Variants in C3 observed in about 807,000 individuals in gnomAD.
C3 encodes the protein C3 and PZP-like alpha-2-macroglobulin domain-containing protein 1.
A neutral mutation model predicts 207.9 loss-of-function variants in C3; 97 were observed. That is an observed-to-expected ratio of 0.47 (90% confidence interval 0.40 to 0.55). C3 has a LOEUF of 0.55. C3 is among the 20% of genes least tolerant of loss of function. The probability of loss-of-function intolerance (pLI) is 0.00; values close to 1 mark genes in which losing one functional copy is unlikely to be tolerated. For synonymous variants in C3, 848 were observed against 857.6 expected (o/e 0.99, Z 0.20); for missense variants, 1,684 against 2,171.7 (o/e 0.78, Z 4.46).
chr19:6,705,200 T>G (rs1411519192), intron 17 of C3, among the ~76,000 whole-genome samples: 1 of 152,216 alleles, frequency 6.6e-6, no homozygotes, highest in South Asian at 2.1e-4. Context: ...CCACCATCCA[T>G]GTGGATGTAA....
chr19:6,718,483 T>C, intron 2 of C3, 71 bp from the exon 3 acceptor site: 1 of 1,580,372 alleles, frequency 6.3e-7, no homozygotes. Flanking sequence ...TTCCGGATCT[T>C]GGGCTGGGTC....
chr19:6,699,507 G>A (rs988955230), intron 19 of C3, among the ~76,000 whole-genome samples: 3 of 152,102 alleles, frequency 2.0e-5, no homozygotes, highest in African/African-American at 7.2e-5. Context: ...GGAGGCTGAG[G>A]AAGGCAGATT....
intron 28 of C3, 69 bp downstream of exon 28, chr19:6,686,677 C>A: frequency 6.6e-7 from 1 of 1,509,806 alleles, no homozygotes; most frequent in Non-Finnish European, 9.1e-7. Context: ...GCCATGCATC[C>A]CAGCTCAGTA....
chr19:6,720,641 G>A lies in C3; in HGVS notation c.-52C>T. On this transcript the variant is annotated 5_prime_UTR_variant, in exon 1 of 41. Transcript: ENST00000245907. ...GGACAGAGGGACAGAGGGAGAGGAT[G>A]GGGAGGAGTGAGCAGCGCCTGCTGG... The A allele has an allele frequency of 1.4e-6, 2 of 1,407,338 alleles. No homozygotes were observed. Among genetic ancestry groups the A allele is most frequent in the Non-Finnish European group, 2.0e-6 (2 of 1,017,280 alleles). The allele number at this position is 1,407,338 out of a possible 1,614,324, so 87.2% of individuals were successfully genotyped here. A position where few individuals can be genotyped will look rare whatever the true frequency, so the allele number is the denominator to read the frequency against.
chr19:6,704,860 T>C (rs1967740582), intron 17 of C3, among the ~76,000 whole-genome samples: 1 of 151,386 alleles, frequency 6.6e-6, no homozygotes, highest in Admixed American at 6.6e-5. Flanking sequence ...GTTGTGCCAC[T>C]GTACTTCAGC....
chr19:6,703,503 A>T (rs1035009763), intron 17 of C3, among the ~76,000 whole-genome samples: 15 of 152,328 alleles, frequency 9.8e-5, no homozygotes, highest in African/African-American at 3.6e-4. Context: ...GATACTCGGG[A>T]GGCTGAGGCA....
In C3 at chr19:6,718,081, C is replaced by G; in HGVS notation, c.504+13G>C. On this transcript the variant is annotated intron_variant, in intron 4 of 40. Transcript: ENST00000245907. ...GTGCCCCTGCTTCCCCTGGGGCCCC[C>G]TCTGGCTGGCACCTCAATGTTGACC... 2.5e-6 allele frequency: 4 copies of G among 1,613,934 alleles called. No individual in the cohort carries two copies. In the East Asian group the frequency reaches 8.9e-5, roughly 36 times the overall value.
intron 19 of C3, among the ~76,000 whole-genome samples, chr19:6,700,034 T>G (rs1967610489): frequency 6.8e-6 from 1 of 147,830 alleles, no homozygotes; most frequent in African/African-American, 2.5e-5. Flanking sequence ...TAGTAGTAAA[T>G]TATAATTATA....
chr19:6,714,627 T>C lies in C3; in HGVS notation c.505-181A>G, dbSNP rs180737676. 1.4e-4 allele frequency among the ~76,000 whole-genome samples: 22 copies of C among 152,278 alleles called. No homozygotes were observed. The East Asian group carries it at 2.3e-3, about 16-fold the overall frequency. The stretch of plus-strand genomic sequence containing the variant: ...CTGTCATCCCAGCACTCTGGGAGGC[T>C]GAGGCGGGCAGATCACCTGAGGTCA... On this transcript the variant is annotated intron_variant, in intron 4 of 40. Transcript: ENST00000245907.
intron 16 of C3, 89 bp from the exon 17 acceptor site, chr19:6,707,362 C>A: frequency 6.3e-7 from 1 of 1,598,504 alleles, no homozygotes; most frequent in Non-Finnish European, 8.6e-7. Flanking sequence ...GAGGACTTCC[C>A]CGCCGCCAGG....
rs1425510144 is a variant in C3 at position 6,709,816 on chromosome 19, T to C, written c.1713A>G (p.Glu571=). Residue 571 remains glutamate (E), a synonymous_variant, in exon 14 of 41, where the codon GAA becomes GAG. Transcript: ENST00000245907. ...GSLVVKSGQS[E]DRQPVPGQQM... is the part of the protein sequence containing the mutation. ...GCTGCCCAGGTACAGGCTGCCGGTCTTCTGACTGGCCGCTTTTTACCACCA... is the reference window on the plus strand; with the variant it reads ...GCTGCCCAGGTACAGGCTGCCGGTCCTCTGACTGGCCGCTTTTTACCACCA... 2 of 1,613,888 alleles carry C rather than the reference T, an allele frequency of 1.2e-6. No homozygotes were observed. Among genetic ancestry groups the C allele is most frequent in the South Asian group, 1.1e-5 (1 of 91,084 alleles).
In C3 at chr19:6,720,624, G is replaced by C. The variant is rs1377086379; in HGVS notation, c.-35C>G. 6.6e-7 allele frequency: 1 copy of C among 1,507,340 alleles called. No homozygotes were observed. The highest frequency in any genetic ancestry group is 2.4e-5 in the East Asian group (1 of 41,534). 93.4% of individuals were successfully genotyped at this position (1,507,340 alleles called of 1,614,324 possible). A position where few individuals can be genotyped will look rare whatever the true frequency, so the allele number is the denominator to read the frequency against. On this transcript the variant is annotated 5_prime_UTR_variant, in exon 1 of 41. Transcript: ENST00000245907. ...ACAGTGCAGGGTCAGAGGGACAGAGGGACAGAGGGAGAGGATGGGGAGGAG... is the reference window on the plus strand; with the variant it reads ...ACAGTGCAGGGTCAGAGGGACAGAGCGACAGAGGGAGAGGATGGGGAGGAG...
Position 6,684,967 on chromosome 19 carries a change from G to C in C3, c.3969+21C>G, listed in dbSNP as rs752147140. The C allele has an allele frequency of 6.2e-6, 10 of 1,613,144 alleles. No homozygotes were observed. The African/African-American group carries it at 1.3e-4, about 22-fold the overall frequency. On this transcript the variant is annotated intron_variant, in intron 30 of 40. Transcript: ENST00000245907. ...AGGGGGAGACAGCCAGAGTGAGGAG[G>C]GCTTGGCTGGGTGACTGTACCTCTT...
intron 26 of C3, among the ~76,000 whole-genome samples, chr19:6,692,202 A>G (rs1045319986): frequency 5.3e-5 from 8 of 152,158 alleles, no homozygotes; most frequent in Non-Finnish European, 1.0e-4. Context: ...TCCTGGGCTC[A>G]AGCCATCCTC....
chr19:6,714,491 G>T (rs376279783), intron 4 of C3, 45 bp from the exon 5 acceptor site: 2 of 1,395,516 alleles, frequency 1.4e-6, no homozygotes, highest in Non-Finnish European at 2.0e-6. Flanking sequence ...GTGGCTCTTC[G>T]GAGGCTGGGC....
At position 6,693,008 on chromosome 19, in the gene C3, C is replaced by T. The variant is rs765511687; in HGVS notation, c.3306G>A (p.Gly1102=). Residue 1102 remains glycine (G), a synonymous_variant, in exon 26 of 41, where the codon GGG becomes GGA. Transcript: ENST00000245907. The stretch of plus-strand genomic sequence containing the variant: ...TCTCCAGGATCAGCCATTTAACAGC[C>T]CCGCAGAGGACTTGGGAGTCGATGG... ...LIAIDSQVLC[G]AVKWLILEKQ... is the part of the protein sequence containing the mutation. 1.8e-5 allele frequency: 29 copies of T among 1,614,172 alleles called. No homozygotes were observed. The Middle Eastern group carries it at 9.9e-4, about 55-fold the overall frequency.
rs1369242832 is a variant in C3, at chr19:6,712,605, G to T, written c.1022C>A (p.Ala341Glu). 6.2e-7 allele frequency: 1 copy of T among 1,613,924 alleles called. No homozygotes were observed. The highest frequency in any genetic ancestry group is 1.3e-5 in the African/African-American group (1 of 74,906). The change falls in exon 10 of 41, where the codon GCA (alanine) becomes GAA (glutamate). Residue 341 changes from alanine (A) to glutamate (E), a missense_variant. Transcript: ENST00000245907. ...CACGATGGGGATCCCGCTGCGCTCT[G>T]CCTGCACCATGTCACTGCCTGAGGG... ...ILHSGSDMVQAERSGIPIVTS... is the reference protein window; with the variant it reads ...ILHSGSDMVQEERSGIPIVTS...
Position 6,692,971 on chromosome 19 carries a change from C to A in C3, c.3343G>T (p.Asp1115Tyr). Reference protein sequence around the residue: ...KWLILEKQKPDGVFQEDAPVI... With the variant: ...KWLILEKQKPYGVFQEDAPVI... ...GGCGCATCCTCCTGGAAGACCCCGT[C>A]GGGCTTCTGCTTCTCCAGGATCAGC... Residue 1115 changes from aspartate (D) to tyrosine (Y), a missense_variant, in exon 26 of 41, where the codon GAC becomes TAC. Around this residue, in one of 3 missense-constraint regions of C3, gnomAD observed 1,280 missense variants for 1,739.1 expected, o/e 0.74. Coordinates refer to ENST00000245907, the MANE Select transcript of C3 (RefSeq NM_000064.4). 6.2e-7 allele frequency: 1 copy of A among 1,614,210 alleles called. No individual in the cohort carries two copies. Among genetic ancestry groups the A allele is most frequent in the Non-Finnish European group, 8.5e-7 (1 of 1,180,044 alleles).
chr19:6,710,983 G>A lies in C3; in HGVS notation c.1479+4C>T, dbSNP rs909858183. 5 of 1,613,870 alleles carry A rather than the reference G, an allele frequency of 3.1e-6. No homozygotes were observed. Among genetic ancestry groups the A allele is most frequent in the East Asian group, 2.2e-5 (1 of 44,870 alleles). ...GGGGCTGAGGTTTCCAGGTGGCCAC[G>A]GACCAGGTAGGTGTAGTAGCGGATC... On this transcript the variant is annotated splice_donor_region_variant and intron_variant, in intron 12 of 40. Coordinates refer to ENST00000245907, the MANE Select transcript of C3 (RefSeq NM_000064.4).
Sources: allele counts gnomAD v4.1 joint callset (sites outside exome capture counted in the v4.1 genomes callset), GRCh38; gene constraint gnomAD v4.1.1; regional missense constraint gnomAD v4.1.1; transcripts MANE v1.5; gene names NCBI Gene and HGNC (gene_info 2026-07-23, HGNC 2026-07-21).